SPAG16: variants seen among roughly 807,000 people sequenced by gnomAD.
The protein encoded by SPAG16 is sperm-associated antigen 16 protein.
A neutral mutation model predicts 80.4 loss-of-function variants in SPAG16; 86 were observed. That is an observed-to-expected ratio of 1.07 (90% CI 0.90 to 1.28). The LOEUF is 1.28. Ranked by LOEUF, SPAG16 falls within the 50% of genes most tolerant of loss-of-function variation. The pLI is 0.00. For missense variants in SPAG16, 870 were observed against 765.3 expected (o/e 1.14, Z -1.61); for synonymous variants, 294 against 265.9 (o/e 1.11, Z -1.03).
At position 213,289,992 on chromosome 2, in the gene SPAG16, A is replaced by G. The variant is rs138852036; in HGVS notation, c.136+5373A>G. 9.6e-3 allele frequency among the ~76,000 whole-genome samples: 1,464 copies of G among 152,228 alleles called. 10 individuals are homozygous for G. Among genetic ancestry groups the G allele is most frequent in the Middle Eastern group, 0.024 (7 of 294 alleles). ...TGTTATTTGTCTCCCCCTCATACCAATTGGCACCTCAAGCTCTGCGCCATT... is the reference window on the plus strand; with the variant it reads ...TGTTATTTGTCTCCCCCTCATACCAGTTGGCACCTCAAGCTCTGCGCCATT... On this transcript the variant is annotated intron_variant, in intron 1 of 15. Transcript: ENST00000331683.
intron 10 of SPAG16, among the ~76,000 whole-genome samples, chr2:213,842,024 T>C (rs1420296764): frequency 6.6e-6 from 1 of 152,140 alleles, no homozygotes; most frequent in Non-Finnish European, 1.5e-5. Context: ...ATTTCCACAG[T>C]CTTGTGAAAC....
chr2:213,949,169 G>GTTTTTTTTTTT (rs767648099), intron 12 of SPAG16, among the ~76,000 whole-genome samples: 12 of 56,728 alleles, frequency 2.1e-4, no homozygotes, highest in Non-Finnish European at 3.3e-4. Context: ...AATTACAACA[G>GTTTTTTTTTTT]TTTTTTTTTT....
intron 10 of SPAG16, among the ~76,000 whole-genome samples, chr2:213,835,318 A>G (rs908217638): frequency 6.6e-6 from 1 of 152,186 alleles, no homozygotes; most frequent in Non-Finnish European, 1.5e-5. Flanking sequence ...ACAGAGTTCC[A>G]TGTAAGTTAC....
intron 10 of SPAG16, among the ~76,000 whole-genome samples, chr2:213,770,985 G>C (rs1191871120): frequency 6.6e-6 from 1 of 152,096 alleles, no homozygotes; most frequent in Non-Finnish European, 1.5e-5. Context: ...ACTCTGTAAT[G>C]GGATTGCTGG....
intron 15 of SPAG16, among the ~76,000 whole-genome samples, chr2:214,228,721 A>C (rs976549109): frequency 1.3e-5 from 2 of 151,938 alleles, no homozygotes; most frequent in Non-Finnish European, 2.9e-5. Context: ...AAAGTTGCAC[A>C]ACTACTCTCC....
intron 10 of SPAG16, among the ~76,000 whole-genome samples, chr2:213,619,193 C>G (rs899106371): frequency 2.0e-5 from 3 of 152,042 alleles, no homozygotes; most frequent in Admixed American, 6.5e-5. Context: ...TCAGCCTATA[C>G]AAAAATCAAC....
chr2:213,977,466 A>G (rs1308872858), intron 12 of SPAG16, among the ~76,000 whole-genome samples: 1 of 152,060 alleles, frequency 6.6e-6, no homozygotes, highest in Non-Finnish European at 1.5e-5. Context: ...CTGGCAGACA[A>G]CAGAGGATAA....
intron 1 of SPAG16, among the ~76,000 whole-genome samples, chr2:213,290,910 C>T (rs1242329494): frequency 3.9e-5 from 6 of 152,068 alleles, no homozygotes; most frequent in African/African-American, 1.2e-4. Context: ...CCTTTTTTAC[C>T]GTCCCAAGGG....
At chr2:213,414,097 T>G (rs1050311005) in intron 9 of SPAG16, among the ~76,000 whole-genome samples, 9 of 152,318 alleles carry the variant, frequency 5.9e-5, no homozygotes, top group Middle Eastern at 6.8e-3. Context: ...GTTTAATAAT[T>G]CATTTTAACC....
At chr2:213,788,477 C>T (rs1040806130) in intron 10 of SPAG16, among the ~76,000 whole-genome samples, 1 of 151,844 alleles carries the variant, frequency 6.6e-6, no homozygotes, top group African/African-American at 2.4e-5. Context: ...GTGTTTATCT[C>T]TACTTCCTTT....
At chr2:213,898,682 C>G (rs2077092522) in intron 11 of SPAG16, among the ~76,000 whole-genome samples, 1 of 151,988 alleles carries the variant, frequency 6.6e-6, no homozygotes, top group Admixed American at 6.6e-5. Flanking sequence ...GGATGAAGAG[C>G]CTGATTTACA....
intron 9 of SPAG16, among the ~76,000 whole-genome samples, chr2:213,430,722 G>C (rs2070240205): frequency 6.6e-6 from 1 of 151,966 alleles, no homozygotes; most frequent in Non-Finnish European, 1.5e-5. Flanking sequence ...GATACAAGAG[G>C]ACCAACAAAC....
At chr2:213,345,938 A>G (rs149428666) in intron 6 of SPAG16, among the ~76,000 whole-genome samples, 3,632 of 152,184 alleles carry the variant, frequency 0.024, 61 homozygotes, top group African/African-American at 0.039. Flanking sequence ...GTAGCCTGAT[A>G]GGGATGGCAT....
At chr2:213,602,007 G>T (rs1269375938) in intron 10 of SPAG16, among the ~76,000 whole-genome samples, 7 of 152,202 alleles carry the variant, frequency 4.6e-5, no homozygotes, top group Non-Finnish European at 5.9e-5. Context: ...CGCATGTGCA[G>T]TTCACAAAAA....
intron 12 of SPAG16, among the ~76,000 whole-genome samples, chr2:214,002,343 TA>T (rs1044040359): frequency 1.3e-5 from 2 of 151,702 alleles, no homozygotes; most frequent in African/African-American, 4.8e-5. Context: ...TAAAAATAAA[TA>T]AAAAACAAAA....
At chr2:214,274,037 T>C (rs1434410248) in intron 15 of SPAG16, among the ~76,000 whole-genome samples, 3 of 152,156 alleles carry the variant, frequency 2.0e-5, no homozygotes. Flanking sequence ...GATTCCTAGG[T>C]ATTTTATTCT....
At chr2:213,817,798 A>G (rs1273890946) in intron 10 of SPAG16, among the ~76,000 whole-genome samples, 1 of 152,122 alleles carries the variant, frequency 6.6e-6, no homozygotes, top group Admixed American at 6.6e-5. Context: ...GATGGCAACA[A>G]TAGACTGGGA....
intron 11 of SPAG16, among the ~76,000 whole-genome samples, chr2:213,887,946 ATT>A (rs1222002367): frequency 6.6e-6 from 1 of 151,728 alleles, no homozygotes; most frequent in Non-Finnish European, 1.5e-5. Context: ...TTCTGTTCTG[ATT>A]TATTTTAATT....
intron 13 of SPAG16, among the ~76,000 whole-genome samples, chr2:214,085,016 T>G (rs2051627063): frequency 6.6e-6 from 1 of 152,162 alleles, no homozygotes; most frequent in Admixed American, 6.5e-5. Context: ...GTGAGGGAGT[T>G]GGAAGAAATG....
Sources: gnomAD v4.1 joint callset for allele counts (sites outside exome capture counted in the v4.1 genomes callset) on GRCh38, gnomAD v4.1.1 for gene constraint, MANE v1.5 for transcripts, NCBI Gene and HGNC (gene_info 2026-07-23, HGNC 2026-07-21) for gene names.